The following CEP63 variants were observed in gnomAD, a reference collection of about 807,000 sequenced individuals.
CEP63 encodes the protein centrosomal protein of 63 kDa.
Under a neutral mutation model 89.1 loss-of-function variants are expected in CEP63, and 84 were observed. That is an observed-to-expected ratio of 0.94 (90% CI 0.79 to 1.13). The LOEUF (loss-of-function observed/expected upper bound fraction) is 1.13, where lower values mean the gene tolerates loss of function less well. Ranked by LOEUF, CEP63 falls within the 50% of genes most tolerant of loss-of-function variation. The pLI is 0.00. For missense variants in CEP63, 838 were observed against 813.3 expected, an observed-to-expected ratio of 1.03 and a Z score of -0.37; for synonymous variants, 267 against 272.5, an observed-to-expected ratio of 0.98 and a Z score of 0.20.
At chr3:134,776,832 T>C in the CEP63 span, among the ~76,000 whole-genome samples, 1 of 152,168 alleles carries the variant, frequency 6.6e-6, no homozygotes, top group African/African-American at 2.4e-5. Flanking sequence ...CTTGAGGTGC[T>C]AGAGGAACTT....
the CEP63 span, among the ~76,000 whole-genome samples, chr3:134,646,163 C>G: frequency 6.6e-6 from 1 of 152,194 alleles, no homozygotes; most frequent in African/African-American, 2.4e-5. Flanking sequence ...GGGTCTGATT[C>G]TTATTAAAAT....
chr3:134,740,510 G>T, the CEP63 span, among the ~76,000 whole-genome samples: 1 of 152,066 alleles, frequency 6.6e-6, no homozygotes, highest in Non-Finnish European at 1.5e-5. Context: ...TGTTAGCCAG[G>T]ATGGTCTCGA....
chr3:134,598,727 A>G, the CEP63 span, among the ~76,000 whole-genome samples: 3 of 152,218 alleles, frequency 2.0e-5, no homozygotes, highest in African/African-American at 7.2e-5. Context: ...TAACTTAGTT[A>G]TCTGGTTGGA....
chr3:134,592,644 C>A (rs1181188662), downstream of CEP63, among the ~76,000 whole-genome samples: 2 of 151,852 alleles, frequency 1.3e-5, no homozygotes, highest in African/African-American at 4.8e-5. Context: ...TCAGTGATAC[C>A]CTCCAGTTTT....
the CEP63 span, among the ~76,000 whole-genome samples, chr3:134,715,443 A>T: frequency 1.5e-4 from 23 of 151,842 alleles, no homozygotes; most frequent in Non-Finnish European, 2.9e-4. Context: ...CATGATAGAC[A>T]TGGGGTAATG....
chr3:134,709,541 T>G, the CEP63 span, among the ~76,000 whole-genome samples: 2 of 152,148 alleles, frequency 1.3e-5, no homozygotes, highest in Non-Finnish European at 1.5e-5. Flanking sequence ...CGACATCTAT[T>G]TATTCTGATG....
chr3:134,556,281 C>A (rs558978941), intron 12 of CEP63, among the ~76,000 whole-genome samples: 1 of 151,836 alleles, frequency 6.6e-6, no homozygotes, highest in African/African-American at 2.4e-5. Flanking sequence ...AATGGGATCT[C>A]ATTAAACTAA....
the CEP63 span, among the ~76,000 whole-genome samples, chr3:134,594,870 C>G: frequency 6.6e-6 from 1 of 152,334 alleles, no homozygotes; most frequent in Middle Eastern, 3.4e-3. Flanking sequence ...GGCTCCTTCT[C>G]CCTAGAGTTG....
the CEP63 span, among the ~76,000 whole-genome samples, chr3:134,651,873 G>T: frequency 3.3e-5 from 5 of 152,198 alleles, no homozygotes; most frequent in African/African-American, 1.2e-4. Flanking sequence ...GGTCTCAGGA[G>T]TGTTTACATA....
chr3:134,704,399 T>G, the CEP63 span, among the ~76,000 whole-genome samples: 52 of 150,970 alleles, frequency 3.4e-4, no homozygotes, highest in African/African-American at 1.2e-3. Context: ...AGACATTTAG[T>G]AGGGGAGGGA....
At chr3:134,578,484 C>A (rs1353826521), downstream of CEP63, among the ~76,000 whole-genome samples, 2 of 152,004 alleles carry the variant, frequency 1.3e-5, no homozygotes, top group Non-Finnish European at 2.9e-5. Flanking sequence ...GCATGCACCA[C>A]CATGCCTGGC....
the CEP63 span, among the ~76,000 whole-genome samples, chr3:134,701,701 A>G: frequency 6.6e-5 from 10 of 151,986 alleles, no homozygotes; most frequent in African/African-American, 2.2e-4. Context: ...ACTCCTATTC[A>G]ACATAGTATT....
At chr3:134,779,654 C>T in the CEP63 span, 1 of 152,230 alleles carries the variant, frequency 6.6e-6, no homozygotes, top group Non-Finnish European at 1.5e-5. Flanking sequence ...GGAATTTAAG[C>T]AGCTTTCTAT....
the CEP63 span, among the ~76,000 whole-genome samples, chr3:134,612,744 G>A: frequency 8.6e-6 from 1 of 115,754 alleles, no homozygotes; most frequent in Non-Finnish European, 1.9e-5. Flanking sequence ...ACAATGTCAC[G>A]CCGATGCTGT....
chr3:134,654,403 T>C, the CEP63 span, among the ~76,000 whole-genome samples: 1 of 152,140 alleles, frequency 6.6e-6, no homozygotes, highest in Non-Finnish European at 1.5e-5. Context: ...TCTATAGAGA[T>C]AGAGTAAGTA....
downstream of CEP63, among the ~76,000 whole-genome samples, chr3:134,578,946 C>G (rs1310299863): frequency 1.3e-5 from 2 of 152,032 alleles, no homozygotes; most frequent in Non-Finnish European, 2.9e-5. Context: ...TTAGTAGAGA[C>G]ATGGTTTCAC....
At chr3:134,767,693 C>T in the CEP63 span, among the ~76,000 whole-genome samples, 1 of 152,208 alleles carries the variant, frequency 6.6e-6, no homozygotes. Flanking sequence ...TCCAAGGTAA[C>T]TTCAGATGCA....
intron 7 of CEP63, 102 bp downstream of exon 7, chr3:134,545,921 C>T (rs1953196187): frequency 4.3e-6 from 4 of 935,112 alleles, no homozygotes; most frequent in South Asian, 1.6e-5. Flanking sequence ...ACTTTCTTCC[C>T]TACTTTATAA....
At chr3:134,557,338 T>C (rs930116714) in intron 12 of CEP63, among the ~76,000 whole-genome samples, 1 of 148,536 alleles carries the variant, frequency 6.7e-6, no homozygotes, top group African/African-American at 2.5e-5. Flanking sequence ...AAAATTATGT[T>C]TGTCAGACCA....
Sources: gnomAD v4.1 joint callset for allele counts (sites outside exome capture counted in the v4.1 genomes callset) on GRCh38, gnomAD v4.1.1 for gene constraint, MANE v1.5 for transcripts, NCBI Gene and HGNC (gene_info 2026-07-23, HGNC 2026-07-21) for gene names.